The following SYTL3 variants were observed in gnomAD, a reference collection of about 807,000 sequenced individuals.
The protein encoded by SYTL3 is synaptotagmin-like protein 3.
A neutral mutation model predicts 82.1 loss-of-function variants in SYTL3; 88 were observed. The observed-to-expected ratio is 1.07, with a 90% CI of 0.90 to 1.28. SYTL3 has a LOEUF of 1.28. Ranked by LOEUF, SYTL3 falls within the 50% of genes most tolerant of loss-of-function variation. The pLI, the probability that SYTL3 is intolerant of heterozygous loss-of-function variation, is 0.00. For synonymous variants in SYTL3, 311 were observed against 289.4 expected (o/e 1.07, Z -0.76); for missense variants, 831 against 757.6 (o/e 1.10, Z -1.14).
In SYTL3 at chr6:158,682,962, G is replaced by C; in HGVS notation, c.367G>C (p.Glu123Gln). The C allele has an allele frequency of 6.2e-7, 1 of 1,613,426 alleles. No individual in the cohort carries two copies. Among genetic ancestry groups the C allele is most frequent in the East Asian group, 2.2e-5 (1 of 44,862 alleles). The part of the protein sequence containing the change: ...KIKTGEWFYE[E>Q]RAKKFPTGGK... ...AAAAACTGGAGAATGGTTCTATGAGGAACGAGCCAAGAAATTTCCAACTGG... is the reference window on the plus strand; with the variant it reads ...AAAAACTGGAGAATGGTTCTATGAGCAACGAGCCAAGAAATTTCCAACTGG... The change falls in exon 6 of 18, where the codon GAA (glutamate) becomes CAA (glutamine). Residue 123 changes from glutamate (E) to glutamine (Q), a missense_variant. Physicochemically the swap from Glu to Gln is conservative, Grantham distance 29 (BLOSUM62 2). Transcript: ENST00000611299.
At chr6:158,667,241 C>G (rs1026282418) in intron 5 of SYTL3, among the ~76,000 whole-genome samples, 1 of 152,226 alleles carries the variant, frequency 6.6e-6, no homozygotes, top group Non-Finnish European at 1.5e-5. Flanking sequence ...GTGTTGAAAT[C>G]TCTGCCCTAG....
At chr6:158,688,227 T>C (rs1378735834) in intron 6 of SYTL3, among the ~76,000 whole-genome samples, 17 of 152,242 alleles carry the variant, frequency 1.1e-4, no homozygotes, top group Admixed American at 1.1e-3. Context: ...TAGATAACTC[T>C]GTGATGAACG....
chr6:158,684,617 G>A (rs1043260901), intron 6 of SYTL3, among the ~76,000 whole-genome samples: 2 of 152,098 alleles, frequency 1.3e-5, no homozygotes, highest in Non-Finnish European at 2.9e-5. Context: ...AGAGGGCAGC[G>A]GTGGCTCTTT....
chr6:158,678,538 T>C (rs1182419367), intron 5 of SYTL3, among the ~76,000 whole-genome samples: 1 of 152,236 alleles, frequency 6.6e-6, no homozygotes, highest in East Asian at 1.9e-4. Flanking sequence ...ATTCATCTTA[T>C]TGAACGTTTG....
intron 1 of SYTL3, 120 bp downstream of exon 1, chr6:158,650,198 AAAC>A (rs1268372464): frequency 6.6e-6 from 1 of 152,212 alleles, no homozygotes; most frequent in Admixed American, 6.5e-5. Flanking sequence ...AAAAGGTAGG[AAAC>A]AAAACATAAT....
intron 14 of SYTL3, among the ~76,000 whole-genome samples, chr6:158,757,993 G>A (rs1194217603): frequency 1.3e-5 from 2 of 152,146 alleles, no homozygotes; most frequent in African/African-American, 2.4e-5. Context: ...GTGTCCCCCA[G>A]GCTATGCAGG....
intron 5 of SYTL3, among the ~76,000 whole-genome samples, chr6:158,668,260 A>C: frequency 6.6e-6 from 1 of 151,200 alleles, no homozygotes; most frequent in African/African-American, 2.4e-5. Flanking sequence ...ACAGAGTTTC[A>C]CTCTTGTCAC....
chr6:158,694,042 C>G (rs553334582), intron 6 of SYTL3, among the ~76,000 whole-genome samples: 1 of 152,066 alleles, frequency 6.6e-6, no homozygotes, highest in South Asian at 2.1e-4. Context: ...TATTTTGTTA[C>G]TACTCTCCTT....
intron 5 of SYTL3, among the ~76,000 whole-genome samples, chr6:158,681,104 AT>A (rs1562369273): frequency 3.3e-5 from 5 of 152,094 alleles, no homozygotes; most frequent in Non-Finnish European, 5.9e-5. Context: ...TGAAGTTTTA[AT>A]TTTTTTCTTA....
chr6:158,757,555 C>T (rs959983461), intron 14 of SYTL3, among the ~76,000 whole-genome samples, 174 bp downstream of exon 14: 2 of 151,782 alleles, frequency 1.3e-5, no homozygotes, highest in African/African-American at 2.4e-5. Context: ...GTGGGGTGGG[C>T]GGAGGGTTTG....
intron 2 of SYTL3, among the ~76,000 whole-genome samples, chr6:158,658,940 G>A (rs997802861): frequency 3.3e-5 from 5 of 151,818 alleles, no homozygotes; most frequent in African/African-American, 1.2e-4. Context: ...AAAAAAAGAG[G>A]GTATGTCTCA....
intron 12 of SYTL3, among the ~76,000 whole-genome samples, chr6:158,748,138 A>G (rs1478634012): frequency 1.4e-5 from 2 of 148,050 alleles, no homozygotes; most frequent in African/African-American, 2.5e-5. Context: ...TTTTCTATAT[A>G]TAGTTTAAGG....
rs1328319331 is a variant in SYTL3 at position 158,684,809 on chromosome 6, T to C, written c.394+1820T>C. Among the ~76,000 whole-genome samples, 3 of 136,354 alleles carry C rather than the reference T, an allele frequency of 2.2e-5. No homozygotes were observed. In the East Asian group the frequency reaches 6.2e-4, roughly 28 times the overall value. 89.5% of individuals were successfully genotyped at this position (136,354 alleles called of 152,430 possible). A position where few individuals can be genotyped will look rare whatever the true frequency, so the allele number is the denominator to read the frequency against. ...CCATGGTTTATATTCCTGGCTCTTC[T>C]TAAAAAAAAAAAAAAAAACGCTGCT... On this transcript the variant is annotated intron_variant, in intron 6 of 17. Coordinates refer to ENST00000611299, the MANE Select transcript of SYTL3 (RefSeq NM_001242394.2).
chr6:158,660,267 AAAC>A (rs201697599), intron 2 of SYTL3, among the ~76,000 whole-genome samples: 10 of 152,134 alleles, frequency 6.6e-5, no homozygotes, highest in Non-Finnish European at 1.3e-4. Context: ...TCCGTCTCAA[AAAC>A]AACAACAACA....
intron 2 of SYTL3, among the ~76,000 whole-genome samples, chr6:158,659,096 A>C (rs1205934740): frequency 6.6e-6 from 1 of 152,232 alleles, no homozygotes; most frequent in Admixed American, 6.5e-5. Context: ...CAAAGTCTCT[A>C]AAAGTGAAGA....
At chr6:158,660,438 G>A (rs183594577) in intron 2 of SYTL3, among the ~76,000 whole-genome samples, 1 of 152,380 alleles carries the variant, frequency 6.6e-6, no homozygotes, top group Non-Finnish European at 1.5e-5. Context: ...CTCCCTCTTA[G>A]CCTTCGAAAG....
rs1482060067 is a variant in SYTL3 at position 158,701,226 on chromosome 6, GT to G, written c.395-6003del. Among the ~76,000 whole-genome samples the G allele has an allele frequency of 4.5e-3, 201 of 45,078 alleles. 20 individuals are homozygous for G. The highest frequency in any genetic ancestry group is 5.7e-3 in the Non-Finnish European group (141 of 24,884). 29.6% of individuals were successfully genotyped at this position (45,078 alleles called of 152,430 possible). A position where few individuals can be genotyped will look rare whatever the true frequency, so the allele number is the denominator to read the frequency against. On this transcript the variant is annotated intron_variant, in intron 6 of 17. Transcript: ENST00000611299. ...TGTGAGCTGGGGTGTAGATGAAGGA[GT>G]GTGAGCTGGGGTGTAGATGAAGGAG...
At chr6:158,650,492 C>T (rs573097107) in intron 1 of SYTL3, among the ~76,000 whole-genome samples, 47 of 151,876 alleles carry the variant, frequency 3.1e-4, no homozygotes, top group African/African-American at 9.7e-4. Context: ...CGTAATTTCT[C>T]GTTTGGAGGT....
chr6:158,741,657 A>G (rs1434426991), intron 11 of SYTL3, among the ~76,000 whole-genome samples: 3 of 152,202 alleles, frequency 2.0e-5, no homozygotes, highest in African/African-American at 7.2e-5. Context: ...TAAGCTGGTC[A>G]TTGCTGGTTG....
Sources: allele counts gnomAD v4.1 joint callset (sites outside exome capture counted in the v4.1 genomes callset), GRCh38; gene constraint gnomAD v4.1.1; transcripts MANE v1.5; gene names NCBI Gene and HGNC (gene_info 2026-07-23, HGNC 2026-07-21).